The following EP300 variants were observed in gnomAD, a reference collection of about 807,000 sequenced individuals.
EP300 encodes the protein EP300 lysine acetyltransferase, also known as histone acetyltransferase p300.
A neutral mutation model predicts 264.0 loss-of-function variants in EP300; 31 were observed. The ratio of observed to expected loss-of-function variants is 0.12; its 90% CI spans 0.09 to 0.16. EP300 has a LOEUF of 0.16. Among genes scored for constraint, EP300 ranks in the 10% least tolerant of loss-of-function variants. The pLI is 1.00. For missense variants in EP300, 2,766 were observed against 3,052.9 expected (o/e 0.91, Z 2.21); for synonymous variants, 1,340 against 1,045.4 (o/e 1.28, Z -5.44).
At chr22:41,099,947 T>G (rs1362664255) in intron 1 of EP300, among the ~76,000 whole-genome samples, 1 of 152,216 alleles carries the variant, frequency 6.6e-6, no homozygotes, top group African/African-American at 2.4e-5. Context: ...AACATTGTTG[T>G]GGCTCACGCC....
In EP300 at chr22:41,179,704, TTATA is replaced by T. The variant is rs1229872914; in HGVS notation, c.*752_*755del. The T allele has an allele frequency of 4.4e-6, 1 of 229,476 alleles. No homozygotes were observed. Among genetic ancestry groups the T allele is most frequent in the African/African-American group, 2.2e-5 (1 of 44,998 alleles). 14.2% of individuals were successfully genotyped at this position (229,476 alleles called of 1,614,324 possible). On this transcript the variant is annotated 3_prime_UTR_variant, in exon 31 of 31. Transcript: ENST00000263253. ...CAGGGGCAGCTGCCAAATTGATGTA[TTATA>T]TATTGTGGTTTCTGTTTCTTGAAAG...
intron 26 of EP300, 93 bp from the exon 27 acceptor site, chr22:41,170,313 G>GT (rs2059162235): frequency 8.2e-7 from 1 of 1,225,098 alleles, no homozygotes; most frequent in Non-Finnish European, 1.2e-6. Context: ...AAAATTATTG[G>GT]TATCTATATC....
Position 41,152,189 on chromosome 22 carries a change from CT to C in EP300, c.2998-15del. 6.2e-7 allele frequency: 1 copy of C among 1,613,442 alleles called. No homozygotes were observed. Among genetic ancestry groups the C allele is most frequent in the Non-Finnish European group, 8.5e-7 (1 of 1,179,460 alleles). On this transcript the variant is annotated splice_polypyrimidine_tract_variant and intron_variant, in intron 15 of 30. Transcript: ENST00000263253. ...AGATATCTTTGGAATACTAAAAATT[CT>C]TACGTTTTCTTTTAGTCTAAAGTGG...
At chr22:41,110,056 G>T (rs943197350) in intron 1 of EP300, among the ~76,000 whole-genome samples, 2 of 149,078 alleles carry the variant, frequency 1.3e-5, no homozygotes, top group Non-Finnish European at 3.0e-5. Flanking sequence ...TGATCTGCTC[G>T]CCTCGGCCTC....
At chr22:41,100,629 C>A (rs888775920) in intron 1 of EP300, among the ~76,000 whole-genome samples, 1 of 152,050 alleles carries the variant, frequency 6.6e-6, no homozygotes, top group Non-Finnish European at 1.5e-5. Flanking sequence ...CTAAACAATA[C>A]AGTGCACCAA....
At chr22:41,093,711 A>C (rs1440471369) in intron 1 of EP300, among the ~76,000 whole-genome samples, 1 of 152,154 alleles carries the variant, frequency 6.6e-6, no homozygotes, top group Admixed American at 6.5e-5. Flanking sequence ...TATGGAGCGC[A>C]GTTCATTTCA....
chr22:41,139,789 C>G (rs1280119323), intron 8 of EP300, among the ~76,000 whole-genome samples: 2 of 152,034 alleles, frequency 1.3e-5, no homozygotes, highest in African/African-American at 4.8e-5. Flanking sequence ...TTTCAGTAAG[C>G]TAAATAATAA....
rs772214603 is a variant in EP300, at chr22:41,176,232, C to CT, written c.4780-14dup. On this transcript the variant is annotated splice_polypyrimidine_tract_variant and intron_variant, in intron 29 of 30. Transcript: ENST00000263253. The stretch of plus-strand genomic sequence containing the variant: ...GAGGCCCTGTCTCAAAAAAAAGAGA[C>CT]TGTCTGTTTTTCAGGTCTTCTTTGT... 18 of 1,613,774 alleles carry CT rather than the reference C, an allele frequency of 1.1e-5. No individual in the cohort carries two copies. Among genetic ancestry groups the CT allele is most frequent in the Middle Eastern group, 1.7e-4 (1 of 6,054 alleles).
intron 21 of EP300, 31 bp downstream of exon 21, chr22:41,162,810 G>C (rs777725720): frequency 6.3e-7 from 1 of 1,587,170 alleles, no homozygotes; most frequent in Non-Finnish European, 8.7e-7. Context: ...TAGTCAGTAC[G>C]CTTTGGCTTT....
At chr22:41,154,651 G>A (rs1002906194) in intron 16 of EP300, among the ~76,000 whole-genome samples, 1 of 151,976 alleles carries the variant, frequency 6.6e-6, no homozygotes, top group African/African-American at 2.4e-5. Context: ...CTGGTCCCAT[G>A]GACTCTTATT....
At chr22:41,128,331 G>A (rs1352375495) in intron 4 of EP300, among the ~76,000 whole-genome samples, 3 of 151,868 alleles carry the variant, frequency 2.0e-5, no homozygotes, top group Non-Finnish European at 4.4e-5. Flanking sequence ...GTCTGGGTGT[G>A]TTCCTGTAGT....
intron 20 of EP300, 138 bp from the exon 21 acceptor site, chr22:41,162,585 A>G: frequency 1.5e-6 from 1 of 676,626 alleles, no homozygotes; most frequent in Non-Finnish European, 2.7e-6. Context: ...GTGTGAGCCA[A>G]GAATACACCT....
chr22:41,160,510 G>A, intron 19 of EP300, 132 bp from the exon 20 acceptor site: 1 of 736,576 alleles, frequency 1.4e-6, no homozygotes, highest in Non-Finnish European at 2.4e-6. Flanking sequence ...GAATGTCCTT[G>A]TCGCCGTTGA....
At position 41,092,866 on chromosome 22, in the gene EP300, A is replaced by G. The variant is rs886057554; in HGVS notation, c.-139A>G. On this transcript the variant is annotated 5_prime_UTR_variant, in exon 1 of 31. Coordinates refer to ENST00000263253, the MANE Select transcript of EP300 (RefSeq NM_001429.4). ...AGCCACTGCGACCCGGCGAAGAGAA[A>G]AAGGAACTTCCCCCACCCCCTCGGG... The G allele has an allele frequency of 4.4e-6, 4 of 914,492 alleles. No homozygotes were observed. Among genetic ancestry groups the G allele is most frequent in the Non-Finnish European group, 7.3e-6 (4 of 549,082 alleles). 56.6% of individuals were successfully genotyped at this position (914,492 alleles called of 1,614,324 possible).
At chr22:41,174,393 A>G (rs1054650302) in intron 29 of EP300, among the ~76,000 whole-genome samples, 1 of 152,222 alleles carries the variant, frequency 6.6e-6, no homozygotes, top group African/African-American at 2.4e-5. Flanking sequence ...CCTGGGTGAC[A>G]GAACGAGACT....
At chr22:41,137,841 A>T in intron 8 of EP300, 51 bp downstream of exon 8, 1 of 1,612,990 alleles carries the variant, frequency 6.2e-7, no homozygotes, top group Non-Finnish European at 8.5e-7. Flanking sequence ...TTACGTCAAC[A>T]TGTTTTCAAT....
intron 1 of EP300, among the ~76,000 whole-genome samples, chr22:41,098,613 C>T (rs745324846): frequency 5.3e-5 from 8 of 152,106 alleles, no homozygotes; most frequent in Non-Finnish European, 8.8e-5. Flanking sequence ...CCTCGTGATC[C>T]GCCCACCTCA....
intron 22 of EP300, among the ~76,000 whole-genome samples, chr22:41,164,375 GGATT>G (rs1389385338): frequency 4.6e-5 from 7 of 151,954 alleles, no homozygotes; most frequent in African/African-American, 1.5e-4. Context: ...TTATTCTGCT[GGATT>G]GTTTATTAAA....
intron 3 of EP300, 195 bp downstream of exon 3, chr22:41,126,235 A>G (rs1601603912): frequency 1.6e-6 from 1 of 608,550 alleles, no homozygotes; most frequent in East Asian, 2.9e-5. Context: ...CCATGTGGTT[A>G]TTGATCAGTG....
Sources: allele counts gnomAD v4.1 joint callset (sites outside exome capture counted in the v4.1 genomes callset), GRCh38; gene constraint gnomAD v4.1.1; transcripts MANE v1.5; gene names NCBI Gene and HGNC (gene_info 2026-07-23, HGNC 2026-07-21).